The following ADGRL4 variants were observed in gnomAD, a reference collection of about 807,000 sequenced individuals.
ADGRL4 encodes adhesion G protein-coupled receptor L4.
A neutral mutation model predicts 74.8 loss-of-function variants in ADGRL4; 90 were observed. The ratio of observed to expected loss-of-function variants is 1.20; its 90% CI spans 1.02 to 1.43. The LOEUF (loss-of-function observed/expected upper bound fraction) is 1.43, where lower values mean the gene tolerates loss of function less well. Ranked by LOEUF, ADGRL4 falls within the 40% of genes most tolerant of loss-of-function variation. The pLI is 0.00. For missense variants in ADGRL4, 881 were observed against 814.3 expected (o/e 1.08, Z -1.00); for synonymous variants, 311 against 279.2 (o/e 1.11, Z -1.14).
At chr1:78,924,217 C>G (rs749253330) in intron 8 of ADGRL4, among the ~76,000 whole-genome samples, 8 of 151,902 alleles carry the variant, frequency 5.3e-5, no homozygotes, top group Non-Finnish European at 1.2e-4. Flanking sequence ...AAATATAACT[C>G]TGTACCATGG....
rs547504898 is a variant in ADGRL4, at chr1:78,896,024, C to T, written c.1750-2835G>A. The stretch of plus-strand genomic sequence containing the variant: ...GACCAGTAGAGGCGAAGGAGGACAA[C>T]ACAGAGAAATAAATGATTACTGTGA... On this transcript the variant is annotated intron_variant, in intron 12 of 14. Transcript: ENST00000370742. Among the ~76,000 whole-genome samples the T allele has an allele frequency of 1.0e-3, 154 of 152,104 alleles. 3 individuals are homozygous for T. The South Asian group carries it at 0.021, about 20-fold the overall frequency.
At chr1:78,968,915 G>A (rs1480755691) in intron 2 of ADGRL4, among the ~76,000 whole-genome samples, 1 of 152,092 alleles carries the variant, frequency 6.6e-6, no homozygotes. Context: ...TTTTAATATT[G>A]GAATAAAGGA....
chr1:78,988,321 G>A (rs1192652133), intron 2 of ADGRL4, among the ~76,000 whole-genome samples: 1 of 151,722 alleles, frequency 6.6e-6, no homozygotes, highest in Non-Finnish European at 1.5e-5. Flanking sequence ...CAAGAGTTAA[G>A]ACATCTATTC....
At chr1:78,967,758 C>T (rs1650085001) in intron 2 of ADGRL4, among the ~76,000 whole-genome samples, 1 of 151,984 alleles carries the variant, frequency 6.6e-6, no homozygotes, top group Admixed American at 6.6e-5. Context: ...CATTAATCTG[C>T]TCTTTGGCAA....
chr1:78,943,304 G>A (rs374207471), intron 3 of ADGRL4, among the ~76,000 whole-genome samples: 72 of 152,224 alleles, frequency 4.7e-4, no homozygotes, highest in African/African-American at 1.7e-3. Flanking sequence ...TTAGGAGATT[G>A]ACTTTACTAT....
intron 4 of ADGRL4, 23 bp from the exon 5 acceptor site, chr1:78,938,302 A>G (rs1649402045): frequency 6.5e-7 from 1 of 1,530,620 alleles, no homozygotes; most frequent in Admixed American, 2.3e-5. Context: ...GAGTCCAGAA[A>G]AAGGAAACTA....
chr1:78,900,259 A>G (rs1401097084), intron 12 of ADGRL4, among the ~76,000 whole-genome samples: 2 of 152,060 alleles, frequency 1.3e-5, no homozygotes, highest in African/African-American at 4.8e-5. Flanking sequence ...CCTGAATAAA[A>G]ATGGAAATGA....
chr1:79,006,705 C>A lies in ADGRL4; in HGVS notation c.-51G>T, dbSNP rs1650971227. 1.4e-6 allele frequency: 2 copies of A among 1,423,148 alleles called. No homozygotes were observed. The highest frequency in any genetic ancestry group is 1.5e-5 in the African/African-American group (1 of 65,868). 88.2% of individuals were successfully genotyped at this position (1,423,148 alleles called of 1,614,324 possible). A position where few individuals can be genotyped will look rare whatever the true frequency, so the allele number is the denominator to read the frequency against. On this transcript the variant is annotated 5_prime_UTR_variant, in exon 1 of 15. Transcript: ENST00000370742. Reference sequence around the variant, plus strand: ...GGCGGAGAGCGCGGCGGAGTGAGTGCGGCTGTGGACCCGGGACCGGGCGCC... The same window carrying A: ...GGCGGAGAGCGCGGCGGAGTGAGTGAGGCTGTGGACCCGGGACCGGGCGCC...
At chr1:78,898,032 G>A (rs1330204808) in intron 12 of ADGRL4, among the ~76,000 whole-genome samples, 2 of 151,990 alleles carry the variant, frequency 1.3e-5, no homozygotes, top group East Asian at 1.9e-4. Flanking sequence ...AAGTTTACAC[G>A]GTATGGAAAA....
rs188353597 is a variant in ADGRL4 at position 78,964,878 on chromosome 1, A to G, written c.173-18452T>C. 2.0e-5 allele frequency among the ~76,000 whole-genome samples: 3 copies of G among 152,290 alleles called. No homozygotes were observed. The East Asian group carries it at 5.8e-4, about 29-fold the overall frequency. On this transcript the variant is annotated intron_variant, in intron 2 of 14. Coordinates refer to ENST00000370742, the MANE Select transcript of ADGRL4 (RefSeq NM_022159.4). ...ATTTAAAAATGACTGTGATAGCATTATTTTATTTTTGGAGAGAATAAGTCA... is the reference window on the plus strand; with the variant it reads ...ATTTAAAAATGACTGTGATAGCATTGTTTTATTTTTGGAGAGAATAAGTCA...
chr1:78,923,167 G>C (rs1649037658), intron 8 of ADGRL4, among the ~76,000 whole-genome samples: 2 of 151,922 alleles, frequency 1.3e-5, no homozygotes, highest in South Asian at 4.1e-4. Flanking sequence ...CCTAATTCTA[G>C]AGAAAGTAGA....
At chr1:78,936,613 C>G (rs1349045911) in intron 6 of ADGRL4, among the ~76,000 whole-genome samples, 3 of 152,012 alleles carry the variant, frequency 2.0e-5, no homozygotes, top group Non-Finnish European at 2.9e-5. Flanking sequence ...TTTAATTTCA[C>G]TATGGCACTC....
Position 78,946,418 on chromosome 1 carries a change from C to G in ADGRL4, c.181G>C (p.Glu61Gln). Residue 61 changes from glutamate to glutamine, a missense_variant, in exon 3 of 15, where the codon GAA (glutamate) becomes CAA (glutamine). Physicochemically the swap from Glu to Gln is conservative, Grantham distance 29. Coordinates refer to ENST00000370742, the MANE Select transcript of ADGRL4 (RefSeq NM_022159.4). ...NGVTICEDDN[E>Q]CGNLTQSCGE... ...CAGGACTGAGTTAAATTTCCACATT[C>G]ATTATCATCTGTTGGCATATGAATT... The G allele has an allele frequency of 6.2e-7, 1 of 1,607,062 alleles. No homozygotes were observed. Among genetic ancestry groups the G allele is most frequent in the Non-Finnish European group, 8.5e-7 (1 of 1,177,220 alleles).
At chr1:78,899,063 T>G (rs1020836981) in intron 12 of ADGRL4, among the ~76,000 whole-genome samples, 1 of 152,182 alleles carries the variant, frequency 6.6e-6, no homozygotes, top group African/African-American at 2.4e-5. Context: ...GCCATCTATA[T>G]GATGTTAGAT....
At chr1:78,898,220 T>G (rs1648438713) in intron 12 of ADGRL4, among the ~76,000 whole-genome samples, 1 of 152,126 alleles carries the variant, frequency 6.6e-6, no homozygotes, top group South Asian at 2.1e-4. Context: ...CCATTTTGGG[T>G]TGAACAGCTA....
intron 12 of ADGRL4, among the ~76,000 whole-genome samples, chr1:78,916,502 T>G (rs915878362): frequency 2.0e-5 from 3 of 151,930 alleles, no homozygotes; most frequent in African/African-American, 7.2e-5. Flanking sequence ...TGTTTTAGCT[T>G]AAATCTTGCT....
chr1:78,901,654 G>T (rs1466536090), intron 12 of ADGRL4, among the ~76,000 whole-genome samples: 1 of 152,082 alleles, frequency 6.6e-6, no homozygotes, highest in Non-Finnish European at 1.5e-5. Flanking sequence ...GGTATAAAAT[G>T]GTACTAGTAC....
intron 2 of ADGRL4, among the ~76,000 whole-genome samples, chr1:78,987,203 T>C (rs1303648974): frequency 6.6e-6 from 1 of 151,794 alleles, no homozygotes; most frequent in Non-Finnish European, 1.5e-5. Flanking sequence ...ACATAGTATA[T>C]AAATGACAGG....
At chr1:78,992,552 GA>G (rs1037538850) in intron 2 of ADGRL4, among the ~76,000 whole-genome samples, 13 of 152,026 alleles carry the variant, frequency 8.6e-5, no homozygotes, top group African/African-American at 2.9e-4. Context: ...CAACAGCCAT[GA>G]AAACTTTTTT....
Sources: allele counts gnomAD v4.1 joint callset (sites outside exome capture counted in the v4.1 genomes callset), GRCh38; gene constraint gnomAD v4.1.1; transcripts MANE v1.5; gene names NCBI Gene and HGNC (gene_info 2026-07-23, HGNC 2026-07-21).